PCDH15: variants seen among roughly 807,000 people sequenced by gnomAD.
PCDH15 encodes the protein protocadherin related 15, also known as protocadherin-15.
A neutral mutation model predicts 178.5 loss-of-function variants in PCDH15; 129 were observed. That is an observed-to-expected ratio of 0.72 (90% CI 0.63 to 0.84). The LOEUF (loss-of-function observed/expected upper bound fraction) is 0.84. Among genes scored for constraint, PCDH15 ranks in the 40% least tolerant of loss-of-function variants. The pLI is 0.00. For missense variants in PCDH15, 2,230 were observed against 2,099.9 expected (o/e 1.06, Z -1.21); for synonymous variants, 800 against 732.0 (o/e 1.09, Z -1.50).
intron 3 of PCDH15, among the ~76,000 whole-genome samples, chr10:54,513,401 C>T (rs1381487330): frequency 6.6e-6 from 1 of 151,996 alleles, no homozygotes; most frequent in African/African-American, 2.4e-5. Context: ...GCTGAGATTA[C>T]AGGTGCACGC....
At chr10:55,532,695 T>G (rs1841480476) in intron 2 of PCDH15, among the ~76,000 whole-genome samples, 1 of 152,042 alleles carries the variant, frequency 6.6e-6, no homozygotes, top group Non-Finnish European at 1.5e-5. Context: ...GACAGTTAAA[T>G]GCTATAGTCT....
intron 2 of PCDH15, among the ~76,000 whole-genome samples, chr10:55,504,984 T>G (rs549071060): frequency 6.6e-6 from 1 of 151,480 alleles, no homozygotes; most frequent in Non-Finnish European, 1.5e-5. Flanking sequence ...TTGTAGCGTA[T>G]TAACAAATAG....
intron 2 of PCDH15, among the ~76,000 whole-genome samples, chr10:55,574,850 T>C (rs1051938094): frequency 6.6e-6 from 1 of 152,060 alleles, no homozygotes; most frequent in Admixed American, 6.6e-5. Context: ...TTATCTATCT[T>C]CTTATTGTTA....
intron 2 of PCDH15, among the ~76,000 whole-genome samples, chr10:55,546,428 TA>T (rs1253301308): frequency 6.6e-6 from 1 of 152,152 alleles, no homozygotes; most frequent in African/African-American, 2.4e-5. Context: ...CGAGTATATA[TA>T]ATATCTGCTC....
chr10:55,341,739 T>C (rs1219234513), intron 2 of PCDH15, among the ~76,000 whole-genome samples: 1 of 137,380 alleles, frequency 7.3e-6, no homozygotes, highest in African/African-American at 2.6e-5. Context: ...CCAGCTAATT[T>C]TTTTTGTATA....
At chr10:55,431,545 A>T (rs1838880400) in intron 2 of PCDH15, among the ~76,000 whole-genome samples, 1 of 152,176 alleles carries the variant, frequency 6.6e-6, no homozygotes, top group Non-Finnish European at 1.5e-5. Context: ...ATATCACTGG[A>T]ATTAAAATTA....
chr10:54,687,972 T>C (rs144373025), intron 1 of PCDH15, among the ~76,000 whole-genome samples: 240 of 152,196 alleles, frequency 1.6e-3, no homozygotes, highest in African/African-American at 5.5e-3. Context: ...CAACATTATG[T>C]CTATAGTCAA....
chr10:53,978,519 G>A (rs2090371796), intron 21 of PCDH15, among the ~76,000 whole-genome samples: 1 of 152,146 alleles, frequency 6.6e-6, no homozygotes, highest in Non-Finnish European at 1.5e-5. Context: ...AGGCCTCTGA[G>A]TGTGTGATGG....
At chr10:55,542,209 T>C (rs1202096442) in intron 2 of PCDH15, among the ~76,000 whole-genome samples, 2 of 151,478 alleles carry the variant, frequency 1.3e-5, no homozygotes, top group African/African-American at 4.8e-5. Context: ...GTAGAGTATT[T>C]GTCTATATAT....
intron 37 of PCDH15, chr10:53,807,936 A>AAAT (rs1300728367): frequency 2.6e-5 from 4 of 152,152 alleles, no homozygotes; most frequent in African/African-American, 9.6e-5. Context: ...GTTTTTCTCA[A>AAAT]AATAGTATCG....
intron 2 of PCDH15, among the ~76,000 whole-genome samples, chr10:54,548,765 C>A (rs1350645621): frequency 6.6e-6 from 1 of 150,808 alleles, no homozygotes; most frequent in Non-Finnish European, 1.5e-5. Flanking sequence ...TTTTTGGTGA[C>A]AACATTTTCC....
intron 2 of PCDH15, among the ~76,000 whole-genome samples, chr10:55,508,175 A>G (rs995332529): frequency 6.6e-6 from 1 of 151,748 alleles, no homozygotes; most frequent in South Asian, 2.1e-4. Flanking sequence ...GCTCTACCAT[A>G]AATTTTAGCA....
At chr10:55,375,187 AT>A (rs1238839621) in intron 2 of PCDH15, among the ~76,000 whole-genome samples, 1 of 152,068 alleles carries the variant, frequency 6.6e-6, no homozygotes, top group Non-Finnish European at 1.5e-5. Flanking sequence ...AATACTTTTG[AT>A]TTTTTCTCTG....
chr10:54,317,248 G>A (rs2061331527), intron 8 of PCDH15, 23 bp downstream of exon 8: 1 of 1,606,750 alleles, frequency 6.2e-7, no homozygotes, highest in Admixed American at 1.7e-5. Context: ...CAAATAAATG[G>A]AGAAAGATAA....
intron 2 of PCDH15, among the ~76,000 whole-genome samples, chr10:54,564,956 A>G (rs768422390): frequency 6.6e-6 from 1 of 152,198 alleles, no homozygotes; most frequent in Non-Finnish European, 1.5e-5. Flanking sequence ...AAGAGAGACA[A>G]TATGTCACTT....
rs56104592 is a variant in PCDH15, at chr10:55,328,913, CATATATATATATATAT to C, written c.-155-162278_-155-162263del. Among the ~76,000 whole-genome samples, 979 of 111,334 alleles carry C rather than the reference CATATATATATATATAT, an allele frequency of 8.8e-3. 21 individuals are homozygous for C. The highest frequency in any genetic ancestry group is 0.014 in the South Asian group (44 of 3,158). The allele number at this position is 111,334 out of a possible 152,430, so 73.0% of individuals were successfully genotyped here. On this transcript the variant is annotated intron_variant, in intron 2 of 5. Transcript: ENST00000613346. The stretch of plus-strand genomic sequence containing the variant: ...AGATGACTGTATATTTTCACACAAA[CATATATATATATATAT>C]ATATATATATATATATATATAAAAT...
intron 2 of PCDH15, among the ~76,000 whole-genome samples, chr10:55,495,633 C>A (rs1840515731): frequency 6.6e-6 from 1 of 151,714 alleles, no homozygotes; most frequent in Non-Finnish European, 1.5e-5. Context: ...ATATTCATGC[C>A]TTATTGGTGG....
At chr10:55,159,076 TA>T (rs1838981455) in intron 2 of PCDH15, among the ~76,000 whole-genome samples, 1 of 152,018 alleles carries the variant, frequency 6.6e-6, no homozygotes, top group African/African-American at 2.4e-5. Flanking sequence ...CCTCAGTGGC[TA>T]AATGACTTTA....
chr10:55,562,420 AC>A (rs1842218862), intron 2 of PCDH15, among the ~76,000 whole-genome samples: 1 of 152,076 alleles, frequency 6.6e-6, no homozygotes, highest in South Asian at 2.1e-4. Flanking sequence ...ATAGTTTAAA[AC>A]TTTTGTTTAG....
Sources: allele counts gnomAD v4.1 joint callset (sites outside exome capture counted in the v4.1 genomes callset), GRCh38; gene constraint gnomAD v4.1.1; transcripts MANE v1.5; gene names NCBI Gene and HGNC (gene_info 2026-07-23, HGNC 2026-07-21).